The following CCDC149 variants were observed in gnomAD, a reference collection of about 807,000 sequenced individuals.
CCDC149 encodes the protein coiled-coil domain-containing protein 149.
CCDC149 carries 45 observed loss-of-function variants against 59.9 expected under a neutral mutation model. The observed-to-expected ratio is 0.75, with a 90% confidence interval of 0.59 to 0.96. The LOEUF (loss-of-function observed/expected upper bound fraction) is 0.96, where lower values mean the gene tolerates loss of function less well. CCDC149 is among the 40% of genes least tolerant of loss of function. CCDC149 has a pLI of 0.00. For synonymous variants in CCDC149, 245 were observed against 260.6 expected, an observed-to-expected ratio of 0.94 and a Z score of 0.58; for missense variants, 584 against 664.7, an observed-to-expected ratio of 0.88 and a Z score of 1.33.
At chr4:24,896,030 G>C (rs901597515) in intron 1 of CCDC149, among the ~76,000 whole-genome samples, 29 of 152,238 alleles carry the variant, frequency 1.9e-4, no homozygotes, top group Non-Finnish European at 1.0e-4. Context: ...CTGGAAGTGA[G>C]CATGCAGGGC....
Position 24,878,871 on chromosome 4 carries a change from A to G in CCDC149, c.64-2174T>C, listed in dbSNP as rs988683861. Among the ~76,000 whole-genome samples the G allele has an allele frequency of 5.3e-4, 81 of 152,332 alleles. 1 individual carries two copies. Among genetic ancestry groups the G allele is most frequent in the Admixed American group, 5.2e-3 (80 of 15,310 alleles). On this transcript the variant is annotated intron_variant, in intron 1 of 12. Coordinates refer to ENST00000635206, the MANE Select transcript of CCDC149 (RefSeq NM_001330643.2). ...CCTTGACCTTGAACAGCTCTCTGTT[A>G]GGGTCCAAGAGAAAAGCCATTTCAC...
chr4:24,874,250 TTTTTTTTTTGTTTTGTTTTTTTTTG>T (rs1719251718), intron 2 of CCDC149, among the ~76,000 whole-genome samples: 2 of 82,602 alleles, frequency 2.4e-5, no homozygotes, highest in African/African-American at 1.2e-4. Flanking sequence ...ATTTGTTTTT[TTTTTTTTTTGTTTTGTTTTTTTTTG>T]TTTTTTTGCC....
rs1183660712 is a variant in CCDC149 at position 24,954,321 on chromosome 4, G to A, written c.-65+25748C>T. 2.0e-5 allele frequency among the ~76,000 whole-genome samples: 3 copies of A among 152,018 alleles called. No individual in the cohort carries two copies. The East Asian group carries it at 5.8e-4, about 29-fold the overall frequency. On this transcript the variant is annotated intron_variant, in intron 1 of 12. Transcript: ENST00000389609. The stretch of plus-strand genomic sequence containing the variant: ...TTCCAGGCAGGTGCTGCATGCTGGT[G>A]GTTCTACAGTTCTGAGGTCTCAGGG...
At chr4:24,927,962 C>CAAA (rs760743304) in intron 1 of CCDC149, among the ~76,000 whole-genome samples, 3 of 151,948 alleles carry the variant, frequency 2.0e-5, no homozygotes, top group Non-Finnish European at 4.4e-5. Context: ...AGGATAGAAC[C>CAAA]AAAAAAACCT....
chr4:24,811,647 C>A (rs1560196499), intron 12 of CCDC149, among the ~76,000 whole-genome samples: 1 of 151,996 alleles, frequency 6.6e-6, no homozygotes, highest in African/African-American at 2.4e-5. Flanking sequence ...CTGAGGCGGG[C>A]GGATCACCTG....
chr4:24,947,862 G>T (rs1044624839), intron 1 of CCDC149, among the ~76,000 whole-genome samples: 2 of 152,068 alleles, frequency 1.3e-5, no homozygotes, highest in African/African-American at 2.4e-5. Context: ...GGCATTGATG[G>T]ATTATGGCAG....
At chr4:24,877,735 T>A (rs1027060686) in intron 1 of CCDC149, among the ~76,000 whole-genome samples, 4 of 152,120 alleles carry the variant, frequency 2.6e-5, no homozygotes, top group African/African-American at 9.7e-5. Flanking sequence ...ACAAGTTGAG[T>A]ACACCTGGTT....
chr4:24,909,004 C>T (rs182153927), intron 1 of CCDC149, among the ~76,000 whole-genome samples: 2 of 152,298 alleles, frequency 1.3e-5, no homozygotes, highest in African/African-American at 4.8e-5. Context: ...GAATATCTGC[C>T]CCTCCCCAGA....
chr4:24,855,889 A>G lies in CCDC149; in HGVS notation c.265-2710T>C, dbSNP rs1393018824. On this transcript the variant is annotated intron_variant, in intron 3 of 12. Coordinates refer to ENST00000635206, the MANE Select transcript of CCDC149 (RefSeq NM_001330643.2). ...TTTGGAAATTTCCCTAAATGGGAGGAATCAGAGAGAAGAGGCTGCATTCTG... is the reference window on the plus strand; with the variant it reads ...TTTGGAAATTTCCCTAAATGGGAGGGATCAGAGAGAAGAGGCTGCATTCTG... Among the ~76,000 whole-genome samples the G allele has an allele frequency of 3.3e-5, 5 of 152,228 alleles. No homozygotes were observed. The East Asian group carries it at 9.6e-4, about 29-fold the overall frequency.
chr4:24,838,253 G>C lies in CCDC149; in HGVS notation c.392C>G (p.Ala131Gly), dbSNP rs1482145811. 6.2e-7 allele frequency: 1 copy of C among 1,613,976 alleles called. No individual in the cohort carries two copies. Among genetic ancestry groups the C allele is most frequent in the African/African-American group, 1.3e-5 (1 of 75,012 alleles). The change falls in exon 5 of 13, where the codon GCC becomes GGC. Residue 131 changes from alanine (A) to glycine (G), a missense_variant. Coordinates refer to ENST00000635206, the MANE Select transcript of CCDC149 (RefSeq NM_001330643.2). ...TGCTTCGTCTCCGAGCCTTTGTTTG[G>C]CAATCGTCATCCTCAAGAGCTGCAT...
chr4:24,887,523 A>C (rs1417908608), intron 1 of CCDC149, among the ~76,000 whole-genome samples: 2 of 152,010 alleles, frequency 1.3e-5, no homozygotes, highest in Admixed American at 1.3e-4. Flanking sequence ...TCCCCTGATC[A>C]CCACCTACTC....
chr4:24,948,350 G>A (rs529738607), intron 1 of CCDC149, among the ~76,000 whole-genome samples: 8 of 152,280 alleles, frequency 5.3e-5, no homozygotes, highest in South Asian at 2.1e-4. Context: ...GCAGAATAAC[G>A]GCTTTCACAA....
rs895125732 is a variant in CCDC149 at position 24,820,440 on chromosome 4, A to G, written c.1076-465T>C. Among the ~76,000 whole-genome samples the G allele has an allele frequency of 6.6e-5, 10 of 152,120 alleles. No individual in the cohort carries two copies. In the South Asian group the frequency reaches 1.7e-3, roughly 25 times the overall value. ...ATGAGAGAGAGTTGGCAATTCTTTG[A>G]TGTCACTGGAACTCTGCAACTGGAG... On this transcript the variant is annotated intron_variant, in intron 11 of 12. Coordinates refer to ENST00000635206, the MANE Select transcript of CCDC149 (RefSeq NM_001330643.2).
chr4:24,825,772 C>T (rs1316198868), intron 9 of CCDC149, among the ~76,000 whole-genome samples: 1 of 120,568 alleles, frequency 8.3e-6, no homozygotes, highest in Non-Finnish European at 1.8e-5. Context: ...GACTCCGTCT[C>T]AAAAAAAAAA....
chr4:24,950,272 G>A (rs867439870), intron 1 of CCDC149, among the ~76,000 whole-genome samples: 1 of 152,334 alleles, frequency 6.6e-6, no homozygotes, highest in East Asian at 1.9e-4. Context: ...TTGCTGCCAA[G>A]TAATACTATT....
At chr4:24,913,754 G>A (rs1369771487), upstream of CCDC149, among the ~76,000 whole-genome samples, 6 of 152,118 alleles carry the variant, frequency 3.9e-5, no homozygotes, top group East Asian at 7.7e-4. Context: ...GAGCAGCCTC[G>A]GCCACAAAGT....
At chr4:24,915,179 G>T (rs553103390), upstream of CCDC149, among the ~76,000 whole-genome samples, 37 of 152,350 alleles carry the variant, frequency 2.4e-4, no homozygotes, top group African/African-American at 8.4e-4. Flanking sequence ...TTAACTCAGT[G>T]CCAAGCACTT....
At chr4:24,939,612 G>A (rs1722894675) in intron 1 of CCDC149, among the ~76,000 whole-genome samples, 1 of 152,020 alleles carries the variant, frequency 6.6e-6, no homozygotes, top group African/African-American at 2.4e-5. Flanking sequence ...AAAGGAGGAA[G>A]TTCAAACCAA....
chr4:24,896,936 G>C (rs1720878151), intron 1 of CCDC149, among the ~76,000 whole-genome samples: 1 of 152,166 alleles, frequency 6.6e-6, no homozygotes, highest in Non-Finnish European at 1.5e-5. Flanking sequence ...CATGAGGTTT[G>C]TCATCTCTTT....
Sources: gnomAD v4.1 joint callset for allele counts (sites outside exome capture counted in the v4.1 genomes callset) on GRCh38, gnomAD v4.1.1 for gene constraint, MANE v1.5 for transcripts, NCBI Gene and HGNC (gene_info 2026-07-23, HGNC 2026-07-21) for gene names.